The following HTR1F variants were observed in gnomAD, a reference collection of about 807,000 sequenced individuals.
The protein encoded by HTR1F is 5-hydroxytryptamine receptor 1F.
In HTR1F, 17 loss-of-function variants were observed where a neutral mutation model predicts 24.0. The observed-to-expected ratio is 0.71, with a 90% CI of 0.48 to 1.06. The LOEUF is 1.06. Among genes scored for constraint, HTR1F ranks in the 50% least tolerant of loss-of-function variants. The probability of loss-of-function intolerance (pLI) is 0.00; values close to 1 mark genes in which losing one functional copy is unlikely to be tolerated. For synonymous variants in HTR1F, 186 were observed against 156.8 expected, an observed-to-expected ratio of 1.19 and a Z score of -1.39; for missense variants, 391 against 427.8, an observed-to-expected ratio of 0.91 and a Z score of 0.76.
At chr3:87,979,095 G>T in intron 2 of HTR1F, among the ~76,000 whole-genome samples, 1 of 21,258 alleles carries the variant, frequency 4.7e-5, no homozygotes, top group East Asian at 2.4e-3. Flanking sequence ...AAGGAAGGAA[G>T]GAAGGAAGGA....
chr3:87,950,643 G>A (rs1422951594), intron 2 of HTR1F, among the ~76,000 whole-genome samples: 1 of 152,080 alleles, frequency 6.6e-6, no homozygotes, highest in East Asian at 1.9e-4. Context: ...TTATAATCTG[G>A]AATAATACAT....
chr3:87,876,525 A>G (rs2107269508), intron 2 of HTR1F, among the ~76,000 whole-genome samples: 1 of 152,348 alleles, frequency 6.6e-6, no homozygotes, highest in South Asian at 2.1e-4. Flanking sequence ...AGCCAATCAC[A>G]AAATGACAAA....
intron 2 of HTR1F, among the ~76,000 whole-genome samples, chr3:87,972,376 C>A (rs1705303375): frequency 6.6e-6 from 1 of 152,162 alleles, no homozygotes; most frequent in African/African-American, 2.4e-5. Context: ...GTAACCAAAT[C>A]TTTTAAATGA....
chr3:87,937,079 T>G (rs1241770715), intron 2 of HTR1F, among the ~76,000 whole-genome samples: 1 of 75,836 alleles, frequency 1.3e-5, no homozygotes, highest in Non-Finnish European at 2.4e-5. Context: ...CTGTTGAAAC[T>G]ACCCAAAAAA....
chr3:87,801,017 C>T (rs186388989), intron 1 of HTR1F, among the ~76,000 whole-genome samples: 5 of 152,190 alleles, frequency 3.3e-5, no homozygotes, highest in Non-Finnish European at 5.9e-5. Flanking sequence ...CTTTATTTTT[C>T]GTATACAATA....
At chr3:87,811,420 G>T (rs770716265) in intron 1 of HTR1F, among the ~76,000 whole-genome samples, 1 of 152,078 alleles carries the variant, frequency 6.6e-6, no homozygotes, top group Non-Finnish European at 1.5e-5. Context: ...CGAAATTAAT[G>T]GGCTTTATTT....
At chr3:87,979,878 G>C (rs1412981156) in intron 2 of HTR1F, among the ~76,000 whole-genome samples, 1 of 152,220 alleles carries the variant, frequency 6.6e-6, no homozygotes, top group Non-Finnish European at 1.5e-5. Context: ...TCTGCAAGCA[G>C]CTTCTGCTGT....
At chr3:87,928,499 T>A (rs941061541) in intron 2 of HTR1F, among the ~76,000 whole-genome samples, 1 of 152,212 alleles carries the variant, frequency 6.6e-6, no homozygotes, top group Admixed American at 6.5e-5. Context: ...TGACTATATA[T>A]TATTTTCTGT....
chr3:87,912,632 G>C (rs975860644), intron 2 of HTR1F, among the ~76,000 whole-genome samples: 50 of 43,600 alleles, frequency 1.1e-3, no homozygotes, highest in African/African-American at 4.5e-3. Context: ...GCAATCCTAG[G>C]CAAAAAAAAA....
At chr3:87,916,553 G>A (rs1246194539) in intron 2 of HTR1F, among the ~76,000 whole-genome samples, 5 of 151,904 alleles carry the variant, frequency 3.3e-5, no homozygotes, top group South Asian at 2.1e-4. Context: ...TCATGGACAT[G>A]AAAAGCAAGC....
chr3:87,982,457 G>A (rs1156919019), intron 2 of HTR1F, among the ~76,000 whole-genome samples: 1 of 152,186 alleles, frequency 6.6e-6, no homozygotes, highest in Non-Finnish European at 1.5e-5. Context: ...GAGACACAAA[G>A]TTTTGAAGAA....
intron 2 of HTR1F, among the ~76,000 whole-genome samples, chr3:87,925,264 G>T (rs1704097381): frequency 6.6e-6 from 1 of 152,064 alleles, no homozygotes; most frequent in South Asian, 2.1e-4. Flanking sequence ...GCAGATGCTG[G>T]GCAGAACAGT....
intron 2 of HTR1F, among the ~76,000 whole-genome samples, chr3:87,879,103 A>C (rs1361028462): frequency 2.6e-5 from 4 of 152,184 alleles, no homozygotes; most frequent in African/African-American, 9.6e-5. Flanking sequence ...CTTCTTGGCT[A>C]CCTGAAGATT....
intron 2 of HTR1F, among the ~76,000 whole-genome samples, chr3:87,933,228 C>G (rs1704326509): frequency 6.6e-6 from 1 of 151,838 alleles, no homozygotes; most frequent in African/African-American, 2.4e-5. Flanking sequence ...CTATCTATGA[C>G]AAACCCACAG....
intron 2 of HTR1F, among the ~76,000 whole-genome samples, chr3:87,900,219 T>C (rs1706290404): frequency 6.6e-6 from 1 of 152,100 alleles, no homozygotes; most frequent in African/African-American, 2.4e-5. Context: ...TCAGATAAAG[T>C]CTCGTGGATG....
intron 2 of HTR1F, among the ~76,000 whole-genome samples, chr3:87,927,441 G>A (rs1280933290): frequency 2.0e-5 from 3 of 152,090 alleles, no homozygotes; most frequent in African/African-American, 7.2e-5. Flanking sequence ...AGAAGTGCAC[G>A]TAATACAGAT....
intron 2 of HTR1F, among the ~76,000 whole-genome samples, chr3:87,831,253 G>T (rs1019493560): frequency 6.6e-6 from 1 of 150,662 alleles, no homozygotes; most frequent in Non-Finnish European, 1.5e-5. Flanking sequence ...AAAATATTTT[G>T]GTCTACAAAA....
chr3:87,869,428 G>GATACATAC (rs1169912348), intron 2 of HTR1F, among the ~76,000 whole-genome samples: 3 of 125,752 alleles, frequency 2.4e-5, no homozygotes, highest in Admixed American at 1.6e-4. Context: ...TAGATAGATA[G>GATACATAC]ATAGATACAT....
At chr3:87,821,011 AAAT>A (rs1438872348) in intron 1 of HTR1F, among the ~76,000 whole-genome samples, 5 of 152,212 alleles carry the variant, frequency 3.3e-5, no homozygotes, top group African/African-American at 4.8e-5. Flanking sequence ...TTTGGACAAC[AAAT>A]AATAGAATTG....
Sources: allele counts gnomAD v4.1 joint callset (sites outside exome capture counted in the v4.1 genomes callset), GRCh38; gene constraint gnomAD v4.1.1; transcripts MANE v1.5; gene names NCBI Gene and HGNC (gene_info 2026-07-23, HGNC 2026-07-21).